The following GNPTAB variants were observed in gnomAD, a reference collection of about 807,000 sequenced individuals.
The protein encoded by GNPTAB is N-acetylglucosamine-1-phosphotransferase subunits alpha/beta.
A neutral mutation model predicts 136.6 loss-of-function variants in GNPTAB; 92 were observed. The observed-to-expected ratio is 0.67, with a 90% CI of 0.57 to 0.80. GNPTAB has a LOEUF of 0.80. Among genes scored for constraint, GNPTAB ranks in the 30% least tolerant of loss-of-function variants. The pLI, the probability that GNPTAB is intolerant of heterozygous loss-of-function variation, is 0.00. For synonymous variants in GNPTAB, 512 were observed against 535.1 expected, an observed-to-expected ratio of 0.96 and a Z score of 0.60; for missense variants, 1,343 against 1,501.8, an observed-to-expected ratio of 0.89 and a Z score of 1.75.
rs796741418 is a variant in GNPTAB, at chr12:101,775,356, C to CT, written c.772-4200dup. ...ATTCAACAATTCAAAGCTATTAGAT[C>CT]TTTTTTTTCTTTTTTTTTTTTTGAG... On this transcript the variant is annotated intron_variant, in intron 7 of 20. Transcript: ENST00000299314. 1.1e-4 allele frequency among the ~76,000 whole-genome samples: 10 copies of CT among 93,898 alleles called. No homozygotes were observed. In the South Asian group the frequency reaches 2.6e-3, roughly 24 times the overall value. The allele number at this position is 93,898 out of a possible 152,430, so 61.6% of individuals were successfully genotyped here. A position where few individuals can be genotyped will look rare whatever the true frequency, so the allele number is the denominator to read the frequency against.
At chr12:101,768,805 C>T (rs1170819914) in intron 10 of GNPTAB, among the ~76,000 whole-genome samples, 1 of 152,182 alleles carries the variant, frequency 6.6e-6, no homozygotes, top group East Asian at 1.9e-4. Flanking sequence ...TTAACCTAAA[C>T]TAATTCTTAC....
intron 1 of GNPTAB, among the ~76,000 whole-genome samples, chr12:101,825,232 G>C (rs1269606576): frequency 6.6e-6 from 1 of 152,140 alleles, no homozygotes; most frequent in Non-Finnish European, 1.5e-5. Context: ...ATAATTATTT[G>C]TATCTCTGAC....
intron 5 of GNPTAB, among the ~76,000 whole-genome samples, chr12:101,782,526 C>T (rs947328173): frequency 4.6e-5 from 7 of 152,216 alleles, no homozygotes; most frequent in African/African-American, 1.7e-4. Context: ...ATCTTCACTG[C>T]ACCTCCCTGG....
chr12:101,815,530 T>C (rs1870471562), intron 1 of GNPTAB, among the ~76,000 whole-genome samples: 1 of 151,972 alleles, frequency 6.6e-6, no homozygotes, highest in African/African-American at 2.4e-5. Flanking sequence ...GAGCATTGCT[T>C]ATGCCCAGGA....
At position 101,768,099 on chromosome 12, in the gene GNPTAB, T is replaced by A; in HGVS notation, c.1346A>T (p.Asp449Val). The A allele has an allele frequency of 6.2e-7, 1 of 1,614,058 alleles. No individual in the cohort carries two copies. Among genetic ancestry groups the A allele is most frequent in the Non-Finnish European group, 8.5e-7 (1 of 1,179,916 alleles). The change falls in exon 11 of 21, where the codon GAT becomes GTT. Residue 449 changes from aspartate to valine, a missense_variant. Physicochemically the swap from Asp to Val is radical, Grantham distance 152. Transcript: ENST00000299314. ...AEGCPGSWIK[D>V]GYCDKACNNS... ...ATTACAAGCCTTGTCACAATAGCCA[T>A]CCTTAATCCAGGAACCTGGGCAGCC...
chr12:101,813,804 G>A (rs1870362992), intron 1 of GNPTAB, among the ~76,000 whole-genome samples: 1 of 152,108 alleles, frequency 6.6e-6, no homozygotes, highest in Non-Finnish European at 1.5e-5. Context: ...GTTCAGGCCG[G>A]GCATGGTGGC....
rs373314316 is a variant in GNPTAB at position 101,747,235 on chromosome 12, C to T, written c.3700G>A (p.Ala1234Thr). 69 of 1,560,096 alleles carry T rather than the reference C, an allele frequency of 4.4e-5. No individual in the cohort carries two copies. The highest frequency in any genetic ancestry group is 1.5e-4 in the African/African-American group (11 of 73,960). ...CTGGGAAATATCTTCCGCTTAAGTG[C>T]AATTAACTAAATGATGAAAGACAGA... The part of the protein sequence containing the change: ...IFSFFAEQLI[A>T]LKRKIFPRRR... Residue 1234 changes from alanine to threonine, a missense_variant, in exon 21 of 21, where the codon GCA becomes ACA. Ala to Thr is a moderately conservative substitution (Grantham distance 58, BLOSUM62 0). Transcript: ENST00000299314.
rs1953061652 is a variant in GNPTAB at position 101,764,846 on chromosome 12, C to T, written c.2071G>A (p.Glu691Lys). 6.2e-7 allele frequency: 1 copy of T among 1,614,184 alleles called. No individual in the cohort carries two copies. The highest frequency in any genetic ancestry group is 2.2e-5 in the East Asian group (1 of 44,888). Residue 691 changes from glutamate to lysine, a missense_variant, in exon 13 of 21, where the codon GAA becomes AAA. Coordinates refer to ENST00000299314, the MANE Select transcript of GNPTAB (RefSeq NM_024312.5). ...TTTACCAGGGGAATTTTCACCTCTT[C>T]CTGGGCTCTCCTTGTTGAGTTAACA... ...HDVNSTRRAQ[E>K]EVKIPLVNIS...
chr12:101,763,111 A>G (rs1953026580), intron 13 of GNPTAB, among the ~76,000 whole-genome samples: 1 of 151,674 alleles, frequency 6.6e-6, no homozygotes, highest in Non-Finnish European at 1.5e-5. Context: ...AATCCCAGCC[A>G]CTCAGGAGGC....
intron 1 of GNPTAB, among the ~76,000 whole-genome samples, chr12:101,802,199 T>TAAAAAAAAAAAAAAAAA: frequency 9.2e-6 from 1 of 108,194 alleles, no homozygotes; most frequent in Non-Finnish European, 1.9e-5. Context: ...CCCTGTCTCT[T>TAAAAAAAAAAAAAAAAA]AAAAAAAAAA....
intron 1 of GNPTAB, among the ~76,000 whole-genome samples, chr12:101,811,626 G>C (rs1870239068): frequency 6.6e-6 from 1 of 151,426 alleles, no homozygotes; most frequent in East Asian, 2.0e-4. Flanking sequence ...CAAAGGAGGA[G>C]GGTGCTACAC....
At chr12:101,823,773 A>G (rs1056112962) in intron 1 of GNPTAB, among the ~76,000 whole-genome samples, 12 of 152,254 alleles carry the variant, frequency 7.9e-5, no homozygotes, top group African/African-American at 2.9e-4. Flanking sequence ...TGAAAGATTT[A>G]TAACGGCACA....
chr12:101,750,668 A>C (rs1461182407), intron 19 of GNPTAB, among the ~76,000 whole-genome samples: 2 of 152,250 alleles, frequency 1.3e-5, no homozygotes, highest in Non-Finnish European at 2.9e-5. Context: ...CTCTGAGTTA[A>C]GGGAAAGTGA....
rs146019182 is a variant in GNPTAB at position 101,769,782 on chromosome 12, C to T, written c.1284+239G>A. 6.6e-3 allele frequency among the ~76,000 whole-genome samples: 1,004 copies of T among 151,868 alleles called. 7 individuals are homozygous for T. The highest frequency in any genetic ancestry group is 0.011 in the Non-Finnish European group (739 of 67,960). On this transcript the variant is annotated intron_variant, in intron 10 of 20. Coordinates refer to ENST00000299314, the MANE Select transcript of GNPTAB (RefSeq NM_024312.5). Reference sequence around the variant, plus strand: ...AGCTGGGACTACATGAGTATTCCACCGGGCCCAGATAATTATTTTACTTTT... The same window carrying T: ...AGCTGGGACTACATGAGTATTCCACTGGGCCCAGATAATTATTTTACTTTT...
At chr12:101,750,366 C>T (rs768631777) in intron 19 of GNPTAB, among the ~76,000 whole-genome samples, 12 of 152,160 alleles carry the variant, frequency 7.9e-5, no homozygotes, top group Non-Finnish European at 1.3e-4. Flanking sequence ...CCTGTATTTC[C>T]CACTTCTGTT....
chr12:101,759,414 A>C (rs1191653512), intron 16 of GNPTAB, among the ~76,000 whole-genome samples: 1 of 148,574 alleles, frequency 6.7e-6, no homozygotes, highest in African/African-American at 2.6e-5. Context: ...CCTGAAAATA[A>C]AGCTTAAAAA....
At chr12:101,760,219 T>A in intron 15 of GNPTAB, 76 bp from the exon 16 acceptor site, 1 of 932,376 alleles carries the variant, frequency 1.1e-6, no homozygotes, top group Non-Finnish European at 1.8e-6. Flanking sequence ...AAAAATTAAG[T>A]GAAAGCTTCC....
Position 101,776,811 on chromosome 12 carries a change from G to A in GNPTAB, c.771+3341C>T, listed in dbSNP as rs140461727. ...GGGCAGTACCTGTCCTGAGATACCC[G>A]TGGCCTAGTGAGAATCTGTAGGGCA... On this transcript the variant is annotated intron_variant, in intron 7 of 20. Coordinates refer to ENST00000299314, the MANE Select transcript of GNPTAB (RefSeq NM_024312.5). 2.1e-3 allele frequency among the ~76,000 whole-genome samples: 314 copies of A among 152,324 alleles called. 1 individual carries two copies. The highest frequency in any genetic ancestry group is 7.1e-3 in the African/African-American group (295 of 41,576).
chr12:101,791,518 G>C (rs1373301426), intron 2 of GNPTAB, among the ~76,000 whole-genome samples: 1 of 151,908 alleles, frequency 6.6e-6, no homozygotes, highest in Non-Finnish European at 1.5e-5. Flanking sequence ...ATGTTTTAAG[G>C]AAGTTTACAA....
Sources: allele counts gnomAD v4.1 joint callset (sites outside exome capture counted in the v4.1 genomes callset), GRCh38; gene constraint gnomAD v4.1.1; transcripts MANE v1.5; gene names NCBI Gene and HGNC (gene_info 2026-07-23, HGNC 2026-07-21).